The following GATAD2A variants were observed in gnomAD, a reference collection of about 807,000 sequenced individuals.
GATAD2A encodes transcriptional repressor p66-alpha.
In GATAD2A, 12 loss-of-function variants were observed where a neutral mutation model predicts 68.5. That is an observed-to-expected ratio of 0.18 (90% CI 0.11 to 0.28). The LOEUF is 0.28. GATAD2A is among the 10% of genes least tolerant of loss of function. The pLI, the probability that GATAD2A is intolerant of heterozygous loss-of-function variation, is 1.00. For synonymous variants in GATAD2A, 410 were observed against 375.3 expected (o/e 1.09, Z -1.07); for missense variants, 755 against 868.5 (o/e 0.87, Z 1.64).
intron 11 of GATAD2A, among the ~76,000 whole-genome samples, chr19:19,503,364 G>A (rs1283527597): frequency 6.6e-6 from 1 of 152,078 alleles, no homozygotes; most frequent in Non-Finnish European, 1.5e-5. Flanking sequence ...TGCTGAGCCT[G>A]CCGCTGTCCT....
intron 2 of GATAD2A, among the ~76,000 whole-genome samples, chr19:19,476,274 G>A (rs1221156103): frequency 6.6e-6 from 1 of 152,214 alleles, no homozygotes; most frequent in Admixed American, 6.5e-5. Context: ...CAGATTTGCA[G>A]ATTAAGCAGA....
At chr19:19,404,012 G>T (rs969429059), upstream of GATAD2A, among the ~76,000 whole-genome samples, 1 of 152,190 alleles carries the variant, frequency 6.6e-6, no homozygotes, top group African/African-American at 2.4e-5. Flanking sequence ...CAGGGAAAGT[G>T]ATTGGGAGTC....
At chr19:19,426,994 G>T (rs540923155) in intron 1 of GATAD2A, among the ~76,000 whole-genome samples, 38 of 152,312 alleles carry the variant, frequency 2.5e-4, no homozygotes, top group Non-Finnish European at 5.0e-4. Context: ...TGTGATGTGT[G>T]TGGCTCTGCC....
At chr19:19,478,822 A>C (rs1019452847) in intron 2 of GATAD2A, among the ~76,000 whole-genome samples, 2 of 152,030 alleles carry the variant, frequency 1.3e-5, no homozygotes, top group South Asian at 2.1e-4. Context: ...AAAAAAAAAA[A>C]ACAAAAAAAA....
intron 1 of GATAD2A, among the ~76,000 whole-genome samples, chr19:19,425,727 G>C (rs905685703): frequency 6.6e-6 from 1 of 152,090 alleles, no homozygotes; most frequent in Non-Finnish European, 1.5e-5. Flanking sequence ...TGGGCCCAAG[G>C]GATTATAGGC....
Position 19,502,314 on chromosome 19 carries a change from C to T in GATAD2A, c.1579-17C>T, listed in dbSNP as rs372107712. ...CTTTTCCCTGCATGAGCCGTCACCC[C>T]CCTTTCTCCACTGCAGGCCTCCAGC... is the stretch of plus-strand genomic sequence containing the variant. On this transcript the variant is annotated splice_polypyrimidine_tract_variant and intron_variant, in intron 10 of 11. Coordinates refer to ENST00000683918, the MANE Select transcript of GATAD2A (RefSeq NM_001384528.1). The T allele has an allele frequency of 8.4e-5, 133 of 1,587,392 alleles. No homozygotes were observed. The highest frequency in any genetic ancestry group is 1.1e-4 in the Non-Finnish European group (131 of 1,160,394).
chr19:19,462,394 T>C (rs572578403), intron 1 of GATAD2A, among the ~76,000 whole-genome samples: 52 of 152,252 alleles, frequency 3.4e-4, no homozygotes, highest in African/African-American at 1.0e-3. Flanking sequence ...ACTCGGGGGC[T>C]GGCCCCACCC....
chr19:19,475,482 G>GCC (rs796725379), intron 2 of GATAD2A, among the ~76,000 whole-genome samples: 22,055 of 129,094 alleles, frequency 0.17, 1,795 homozygotes, highest in Middle Eastern at 0.28. Context: ...GCTCTCTGGA[G>GCC]CCCCCCCCCC....
intron 2 of GATAD2A, among the ~76,000 whole-genome samples, chr19:19,490,718 C>G (rs1212326238): frequency 6.6e-6 from 1 of 151,528 alleles, no homozygotes; most frequent in Non-Finnish European, 1.5e-5. Context: ...CCTGTCTGTA[C>G]AAAAATACAA....
intron 1 of GATAD2A, among the ~76,000 whole-genome samples, chr19:19,455,271 C>T (rs2056822358): frequency 6.6e-6 from 1 of 152,104 alleles, no homozygotes; most frequent in South Asian, 2.1e-4. Flanking sequence ...AGGTGGATTG[C>T]CTGAGTTCAG....
intron 4 of GATAD2A, among the ~76,000 whole-genome samples, chr19:19,493,813 ATTTC>A (rs1488006213): frequency 7.5e-6 from 1 of 134,074 alleles, no homozygotes; most frequent in Non-Finnish European, 1.5e-5. Flanking sequence ...TCTTTTTTCT[ATTTC>A]TTTGTCACTT....
chr19:19,430,696 A>G (rs1459775305), intron 1 of GATAD2A, among the ~76,000 whole-genome samples: 1 of 152,182 alleles, frequency 6.6e-6, no homozygotes, highest in Non-Finnish European at 1.5e-5. Flanking sequence ...TGACAGCTGC[A>G]GAGACACCAT....
chr19:19,402,859 C>T (rs2049896407), upstream of GATAD2A, among the ~76,000 whole-genome samples: 1 of 150,540 alleles, frequency 6.6e-6, no homozygotes, highest in Non-Finnish European at 1.5e-5. Context: ...CTGCAACCTC[C>T]GCCTCTTGGG....
chr19:19,449,594 CAAAA>C (rs10532588), intron 1 of GATAD2A, among the ~76,000 whole-genome samples: 13 of 141,044 alleles, frequency 9.2e-5, no homozygotes, highest in South Asian at 2.3e-4. Flanking sequence ...TTAAATGTAT[CAAAA>C]AAAAAAAAAA....
At chr19:19,449,189 C>CT (rs1443999940) in intron 1 of GATAD2A, among the ~76,000 whole-genome samples, 1 of 152,148 alleles carries the variant, frequency 6.6e-6, no homozygotes, top group Non-Finnish European at 1.5e-5. Context: ...CGTGGTGAGT[C>CT]TGAGTGGTGG....
chr19:19,484,743 C>T (rs1382765622), intron 2 of GATAD2A, among the ~76,000 whole-genome samples: 7 of 152,008 alleles, frequency 4.6e-5, no homozygotes, highest in Non-Finnish European at 8.8e-5. Flanking sequence ...CTGTGTTAGC[C>T]AGGATGGTCT....
rs984710023 is a variant in GATAD2A at position 19,496,108 on chromosome 19, C to A, written c.813C>A (p.Ala271=). The A allele has an allele frequency of 6.2e-7, 1 of 1,613,536 alleles. No individual in the cohort carries two copies. Among genetic ancestry groups the A allele is most frequent in the Admixed American group, 1.7e-5 (1 of 60,014 alleles). ...SSTGPPPLLL[A]PRASVPSVQI... Reference sequence around the variant, plus strand: ...CAGGGCCACCGCCCCTCCTCCTGGCCCCCCGGGCGTCGGTGCCCAGTGTGC... The same window carrying A: ...CAGGGCCACCGCCCCTCCTCCTGGCACCCCGGGCGTCGGTGCCCAGTGTGC... The change falls in exon 7 of 12, where the codon GCC becomes GCA. Residue 271 remains alanine, a synonymous_variant. Coordinates refer to ENST00000683918, the MANE Select transcript of GATAD2A (RefSeq NM_001384528.1).
intron 1 of GATAD2A, among the ~76,000 whole-genome samples, chr19:19,411,251 G>T (rs925116017): frequency 6.6e-6 from 1 of 152,200 alleles, no homozygotes; most frequent in Non-Finnish European, 1.5e-5. Flanking sequence ...GATTTCAGAC[G>T]TTGTCTATTT....
rs1387960387 is a variant in GATAD2A at position 19,505,793 on chromosome 19, T to C, written c.*319T>C. On this transcript the variant is annotated 3_prime_UTR_variant, in exon 12 of 12. Transcript: ENST00000683918. ...GGACCTTGGGGGCTGGTTCTGCTCC[T>C]GGCCCCCTTGTTCAGCCCCTGCCGG... 2 of 454,208 alleles carry C rather than the reference T, an allele frequency of 4.4e-6. No homozygotes were observed. Among genetic ancestry groups the C allele is most frequent in the Admixed American group, 4.3e-5 (1 of 23,222 alleles). 28.1% of individuals were successfully genotyped at this position (454,208 alleles called of 1,614,324 possible).
Sources: gnomAD v4.1 joint callset for allele counts (sites outside exome capture counted in the v4.1 genomes callset) on GRCh38, gnomAD v4.1.1 for gene constraint, MANE v1.5 for transcripts, NCBI Gene and HGNC (gene_info 2026-07-23, HGNC 2026-07-21) for gene names.